The following PLCB1 variants were observed in gnomAD, a reference collection of about 807,000 sequenced individuals.
The protein encoded by PLCB1 is 1-phosphatidylinositol 4,5-bisphosphate phosphodiesterase beta-1.
A neutral mutation model predicts 161.8 loss-of-function variants in PLCB1; 46 were observed. The observed-to-expected ratio is 0.28, with a 90% CI of 0.22 to 0.36. PLCB1 has a LOEUF of 0.36. Ranked by LOEUF, PLCB1 falls within the 10% of genes least tolerant of loss-of-function variation. PLCB1 has a pLI of 1.00. For missense variants in PLCB1, 1,016 were observed against 1,472.5 expected (o/e 0.69, Z 5.07); for synonymous variants, 517 against 503.7 (o/e 1.03, Z -0.35).
At chr20:8,257,470 G>T (rs1267949146) in intron 2 of PLCB1, among the ~76,000 whole-genome samples, 1 of 152,140 alleles carries the variant, frequency 6.6e-6, no homozygotes. Context: ...TAATGAGAGA[G>T]ATAATATTAC....
chr20:8,719,265 C>G (rs1600274010), intron 14 of PLCB1, among the ~76,000 whole-genome samples: 2 of 152,148 alleles, frequency 1.3e-5, no homozygotes, highest in African/African-American at 4.8e-5. Flanking sequence ...TCTACAAAAG[C>G]TGAATATATG....
intron 3 of PLCB1, among the ~76,000 whole-genome samples, chr20:8,508,802 A>G (rs1432568152): frequency 1.3e-5 from 2 of 152,038 alleles, no homozygotes; most frequent in African/African-American, 4.8e-5. Flanking sequence ...ATATATATAT[A>G]TGAATTATAT....
chr20:8,883,601 ATTATT>A lies in PLCB1; in HGVS notation c.*1759_*1763del, dbSNP rs1272441618. ...TCAAGAATTTAATATTTTTATGAAA[ATTATT>A]TTATTTAACTTTAAGCAATAACTAG... is the stretch of plus-strand genomic sequence containing the variant. On this transcript the variant is annotated 3_prime_UTR_variant, in exon 32 of 32. Coordinates refer to ENST00000338037, the MANE Select transcript of PLCB1 (RefSeq NM_015192.4). The A allele has an allele frequency of 3.3e-5, 5 of 152,248 alleles. No individual in the cohort carries two copies. The highest frequency in any genetic ancestry group is 2.6e-4 in the Admixed American group (4 of 15,250). 9.4% of individuals were successfully genotyped at this position (152,248 alleles called of 1,614,324 possible).
At chr20:8,679,337 A>G (rs1299517938) in intron 9 of PLCB1, among the ~76,000 whole-genome samples, 1 of 152,314 alleles carries the variant, frequency 6.6e-6, no homozygotes, top group East Asian at 1.9e-4. Flanking sequence ...GCTCTTCTAG[A>G]CCATTCTTCC....
chr20:8,636,844 C>A (rs1180884784), intron 4 of PLCB1, among the ~76,000 whole-genome samples: 1 of 152,160 alleles, frequency 6.6e-6, no homozygotes, highest in Non-Finnish European at 1.5e-5. Context: ...GCCCACCTCT[C>A]CCCTGAAAGA....
intron 2 of PLCB1, among the ~76,000 whole-genome samples, chr20:8,331,377 C>A (rs1243870264): frequency 2.7e-5 from 4 of 149,082 alleles, no homozygotes; most frequent in Non-Finnish European, 4.4e-5. Flanking sequence ...ATGTTCAAAT[C>A]GGGAGAAGGG....
chr20:8,882,841 GGTATTATCTCCA>G lies in PLCB1; in HGVS notation c.*993_*1004del, dbSNP rs1176962534. 2 of 152,542 alleles carry G rather than the reference GGTATTATCTCCA, an allele frequency of 1.3e-5. No homozygotes were observed. Among genetic ancestry groups the G allele is most frequent in the South Asian group, 2.1e-4 (1 of 4,812 alleles). 9.4% of individuals were successfully genotyped at this position (152,542 alleles called of 1,614,324 possible). On this transcript the variant is annotated 3_prime_UTR_variant, in exon 32 of 32. Coordinates refer to ENST00000338037, the MANE Select transcript of PLCB1 (RefSeq NM_015192.4). ...TACAAAGACCCACATGTAAATGATAGGTATTATCTCCATGTATATATGTACCCACTTAGTCAT... is the reference window on the plus strand; with the variant it reads ...TACAAAGACCCACATGTAAATGATAGTGTATATATGTACCCACTTAGTCAT...
chr20:8,214,462 A>G (rs1005397074), intron 2 of PLCB1, among the ~76,000 whole-genome samples: 3 of 151,994 alleles, frequency 2.0e-5, no homozygotes, highest in Non-Finnish European at 4.4e-5. Flanking sequence ...CCATGATTGT[A>G]ACCTTCCTGA....
At chr20:8,432,526 T>A (rs773515658) in intron 3 of PLCB1, among the ~76,000 whole-genome samples, 2 of 152,210 alleles carry the variant, frequency 1.3e-5, no homozygotes, top group Non-Finnish European at 2.9e-5. Context: ...TGCTTTAACA[T>A]GTGAATCTGG....
intron 3 of PLCB1, among the ~76,000 whole-genome samples, chr20:8,413,216 T>A (rs1377061151): frequency 2.0e-5 from 3 of 152,222 alleles, no homozygotes; most frequent in Admixed American, 2.0e-4. Flanking sequence ...ATATTACATA[T>A]GTTTAAACTA....
intron 31 of PLCB1, among the ~76,000 whole-genome samples, chr20:8,868,815 G>T (rs1297689075): frequency 1.3e-5 from 2 of 151,944 alleles, no homozygotes; most frequent in Non-Finnish European, 2.9e-5. Context: ...TTTATTTTTA[G>T]TAGAGATGGG....
chr20:8,773,837 G>C lies in PLCB1; in HGVS notation c.2931-702G>C, dbSNP rs567521939. Among the ~76,000 whole-genome samples, 10 of 152,248 alleles carry C rather than the reference G, an allele frequency of 6.6e-5. No homozygotes were observed. The East Asian group carries it at 1.7e-3, about 27-fold the overall frequency. On this transcript the variant is annotated intron_variant, in intron 26 of 31. Coordinates refer to ENST00000338037, the MANE Select transcript of PLCB1 (RefSeq NM_015192.4). ...AAAAATACAAAAATTAGCCAGGTAT[G>C]GTGGCACATGCTTGTAGTTCCAGCT...
At chr20:8,810,223 T>A (rs898698737) in intron 31 of PLCB1, among the ~76,000 whole-genome samples, 9 of 152,080 alleles carry the variant, frequency 5.9e-5, no homozygotes, top group African/African-American at 1.7e-4. Flanking sequence ...AAACTACAAT[T>A]ATGTCACACC....
At chr20:8,526,644 T>C (rs1232090735) in intron 3 of PLCB1, among the ~76,000 whole-genome samples, 4 of 152,266 alleles carry the variant, frequency 2.6e-5, no homozygotes, top group African/African-American at 9.6e-5. Flanking sequence ...AGTATAGTTG[T>C]TGAATCCATG....
At chr20:8,213,733 T>G (rs1178664934) in intron 2 of PLCB1, among the ~76,000 whole-genome samples, 1 of 151,900 alleles carries the variant, frequency 6.6e-6, no homozygotes, top group East Asian at 1.9e-4. Flanking sequence ...CATGATTAAG[T>G]TTGCATTATC....
rs186529024 is a variant in PLCB1 at position 8,251,245 on chromosome 20, C to T, written c.177+100874C>T. On this transcript the variant is annotated intron_variant, in intron 2 of 31. Transcript: ENST00000338037. ...CTCCCAAAGGCCCTACCTCTTAATA[C>T]GATCACAGTGGGAGTTAAGTTTCAA... 2.2e-3 allele frequency among the ~76,000 whole-genome samples: 332 copies of T among 152,056 alleles called. 1 individual carries two copies. The highest frequency in any genetic ancestry group is 7.6e-3 in the African/African-American group (316 of 41,534).
intron 23 of PLCB1, among the ~76,000 whole-genome samples, chr20:8,744,295 T>G (rs1981034855): frequency 6.6e-6 from 1 of 152,224 alleles, no homozygotes; most frequent in East Asian, 1.9e-4. Context: ...GAGGAAATAC[T>G]TTTTAGATTA....
chr20:8,367,318 G>T (rs374141140), intron 2 of PLCB1, among the ~76,000 whole-genome samples: 1 of 152,186 alleles, frequency 6.6e-6, no homozygotes, highest in South Asian at 2.1e-4. Context: ...TCAAAGTGTG[G>T]TCATTGGACC....
intron 3 of PLCB1, among the ~76,000 whole-genome samples, chr20:8,499,328 C>T (rs1321956256): frequency 6.6e-6 from 1 of 152,170 alleles, no homozygotes; most frequent in African/African-American, 2.4e-5. Flanking sequence ...GGAACAATGC[C>T]TTCTCATATA....
Sources: allele counts gnomAD v4.1 joint callset (sites outside exome capture counted in the v4.1 genomes callset), GRCh38; gene constraint gnomAD v4.1.1; transcripts MANE v1.5; gene names NCBI Gene and HGNC (gene_info 2026-07-23, HGNC 2026-07-21).